TMEM200A: variants seen among roughly 807,000 people sequenced by gnomAD.
The protein encoded by TMEM200A is transmembrane protein 200A, also known as two transmembrane C.
In TMEM200A, 12 loss-of-function variants were observed where a neutral mutation model predicts 24.3. The observed-to-expected ratio is 0.49, with a 90% CI of 0.32 to 0.80. The LOEUF is 0.80. TMEM200A is among the 30% of genes least tolerant of loss of function. The probability of loss-of-function intolerance (pLI) is 0.04; values close to 1 mark genes in which losing one functional copy is unlikely to be tolerated. For missense variants in TMEM200A, 545 were observed against 614.4 expected (o/e 0.89, Z 1.19); for synonymous variants, 224 against 224.4 (o/e 1.00, Z 0.02).
At position 130,442,111 on chromosome 6, in the gene TMEM200A, T is replaced by G. The variant is rs146437998; in HGVS notation, c.*213T>G. 213 of 421,728 alleles carry G rather than the reference T, an allele frequency of 5.1e-4. No individual in the cohort carries two copies. Among genetic ancestry groups the G allele is most frequent in the African/African-American group, 3.8e-3 (184 of 48,876 alleles). 26.1% of individuals were successfully genotyped at this position (421,728 alleles called of 1,614,324 possible). A position where few individuals can be genotyped will look rare whatever the true frequency, so the allele number is the denominator to read the frequency against. On this transcript the variant is annotated 3_prime_UTR_variant, in exon 3 of 3. Coordinates refer to ENST00000296978, the MANE Select transcript of TMEM200A (RefSeq NM_001258277.2). Reference sequence around the variant, plus strand: ...TACCACACATGATTTTATTTTTCTCTTCCTTTGAAAGCATGATCTCTTTTA... The same window carrying G: ...TACCACACATGATTTTATTTTTCTCGTCCTTTGAAAGCATGATCTCTTTTA...
intron 2 of TMEM200A, among the ~76,000 whole-genome samples, chr6:130,392,671 C>G (rs955008257): frequency 6.6e-6 from 1 of 152,112 alleles, no homozygotes; most frequent in Non-Finnish European, 1.5e-5. Context: ...TTTTTCTTCT[C>G]TTTTCTTTGT....
intron 2 of TMEM200A, among the ~76,000 whole-genome samples, chr6:130,389,043 A>G (rs58582588): frequency 0.059 from 8,960 of 152,274 alleles, 881 homozygotes; most frequent in African/African-American, 0.2. Flanking sequence ...TAGCTCTATT[A>G]TCTTTAGATA....
intron 1 of TMEM200A, among the ~76,000 whole-genome samples, chr6:130,374,065 G>GA (rs1778383459): frequency 6.6e-6 from 1 of 152,142 alleles, no homozygotes. Context: ...GCCCATGATA[G>GA]AAAAAAGTAG....
At chr6:130,398,821 AT>A (rs1249493198) in intron 2 of TMEM200A, among the ~76,000 whole-genome samples, 1 of 151,864 alleles carries the variant, frequency 6.6e-6, no homozygotes, top group Non-Finnish European at 1.5e-5. Flanking sequence ...TGATATTATA[AT>A]ATTTTTATAG....
chr6:130,375,077 A>G (rs1778418822), intron 1 of TMEM200A, among the ~76,000 whole-genome samples: 1 of 152,210 alleles, frequency 6.6e-6, no homozygotes, highest in Admixed American at 6.5e-5. Flanking sequence ...CTAAAATAAA[A>G]AATGTTTTGG....
At chr6:130,437,641 A>T (rs1780053857) in intron 2 of TMEM200A, 1 of 152,134 alleles carries the variant, frequency 6.6e-6, no homozygotes, top group Non-Finnish European at 1.5e-5. Flanking sequence ...TCCTCCACCC[A>T]TTAAATTCTT....
At chr6:130,433,390 G>A (rs930916618) in intron 2 of TMEM200A, among the ~76,000 whole-genome samples, 14 of 152,016 alleles carry the variant, frequency 9.2e-5, no homozygotes, top group Admixed American at 7.2e-4. Context: ...CGCCTGCCTC[G>A]GCCTCCCAAA....
rs116496042 is a variant in TMEM200A, at chr6:130,368,881, T to A, written c.-81+2357T>A. On this transcript the variant is annotated intron_variant, in intron 1 of 2. Transcript: ENST00000296978. ...GTAAGTGGCTAAGTTCCTCCACCTT[T>A]CTGCTCCTTGGTGCCCTTATCTGCA... Among the ~76,000 whole-genome samples, 471 of 152,314 alleles carry A rather than the reference T, an allele frequency of 3.1e-3. 1 individual carries two copies. Among genetic ancestry groups the A allele is most frequent in the African/African-American group, 0.011 (462 of 41,562 alleles).
intron 2 of TMEM200A, among the ~76,000 whole-genome samples, chr6:130,393,597 A>G (rs1413340207): frequency 6.6e-6 from 1 of 152,204 alleles, no homozygotes; most frequent in Non-Finnish European, 1.5e-5. Flanking sequence ...TTCAGCCGCC[A>G]ATGGTGATAG....
upstream of TMEM200A, chr6:130,365,997 G>A: frequency 7.1e-6 from 7 of 985,600 alleles, no homozygotes; most frequent in Non-Finnish European, 8.4e-6. Context: ...TTTATGGCGT[G>A]AGGTTTGGGG....
rs374897808 is a variant in TMEM200A, at chr6:130,377,889, T to G, written c.-80-7284T>G. Among the ~76,000 whole-genome samples the G allele has an allele frequency of 5.3e-4, 81 of 152,198 alleles. 2 individuals carry two copies. The South Asian group carries it at 0.015, about 28-fold the overall frequency. On this transcript the variant is annotated intron_variant, in intron 1 of 2. Transcript: ENST00000296978. Reference sequence around the variant, plus strand: ...AGGGACTAAGAGCAGTTAGGATGGATGTAGAGTAGCATGGCCAAGGAAGCC... The same window carrying G: ...AGGGACTAAGAGCAGTTAGGATGGAGGTAGAGTAGCATGGCCAAGGAAGCC...
intron 2 of TMEM200A, among the ~76,000 whole-genome samples, chr6:130,425,953 T>C (rs187974502): frequency 0.018 from 2,780 of 152,280 alleles, 23 homozygotes; most frequent in Non-Finnish European, 0.027. Context: ...AAATGCTAAT[T>C]ATTTATTTAG....
At chr6:130,399,022 A>T (rs1779020845) in intron 2 of TMEM200A, among the ~76,000 whole-genome samples, 1 of 151,674 alleles carries the variant, frequency 6.6e-6, no homozygotes, top group East Asian at 1.9e-4. Flanking sequence ...AAATATATTT[A>T]TTTTTTTCTC....
At chr6:130,420,200 TTTTA>T (rs1779550416) in intron 2 of TMEM200A, among the ~76,000 whole-genome samples, 1 of 152,208 alleles carries the variant, frequency 6.6e-6, no homozygotes, top group Non-Finnish European at 1.5e-5. Context: ...TTAATCTCTC[TTTTA>T]TTTCTTTATA....
chr6:130,414,791 C>T (rs886570645), intron 2 of TMEM200A, among the ~76,000 whole-genome samples: 2 of 152,200 alleles, frequency 1.3e-5, no homozygotes, highest in African/African-American at 2.4e-5. Flanking sequence ...ATGTGTCAGG[C>T]ACTATGCTAG....
intron 2 of TMEM200A, among the ~76,000 whole-genome samples, chr6:130,385,765 A>T (rs1191445396): frequency 6.6e-6 from 1 of 152,242 alleles, no homozygotes; most frequent in Non-Finnish European, 1.5e-5. Context: ...TCTGAGCATT[A>T]ACCATTTCAT....
chr6:130,440,041 TGA>T (rs933978010), intron 2 of TMEM200A, among the ~76,000 whole-genome samples: 11 of 149,496 alleles, frequency 7.4e-5, no homozygotes, highest in Non-Finnish European at 1.5e-4. Context: ...TGTGTGTGTG[TGA>T]GAGAGAGAGA....
intron 2 of TMEM200A, among the ~76,000 whole-genome samples, chr6:130,424,474 T>TA (rs202039493): frequency 0.018 from 2,777 of 152,308 alleles, 23 homozygotes; most frequent in Non-Finnish European, 0.027. Context: ...ATGAATAATT[T>TA]AAAACTTCTT....
chr6:130,369,556 C>T (rs1562546524), intron 1 of TMEM200A, among the ~76,000 whole-genome samples: 1 of 152,116 alleles, frequency 6.6e-6, no homozygotes, highest in Non-Finnish European at 1.5e-5. Context: ...TGTTCTGTGC[C>T]CACTCCTCCT....
Sources: allele counts gnomAD v4.1 joint callset (sites outside exome capture counted in the v4.1 genomes callset), GRCh38; gene constraint gnomAD v4.1.1; transcripts MANE v1.5; gene names NCBI Gene and HGNC (gene_info 2026-07-23, HGNC 2026-07-21).